The following NUFIP2 variants were observed in gnomAD, a reference collection of about 807,000 sequenced individuals.
The protein encoded by NUFIP2 is nuclear FMR1 interacting protein 2.
NUFIP2 carries 6 observed loss-of-function variants against 56.9 expected under a neutral mutation model. The observed-to-expected ratio is 0.11, with a 90% CI of 0.06 to 0.21. NUFIP2 has a LOEUF of 0.21. Among genes scored for constraint, NUFIP2 ranks in the 10% least tolerant of loss-of-function variants. The pLI is 1.00. For missense variants in NUFIP2, 828 were observed against 826.8 expected (o/e 1.00, Z -0.02); for synonymous variants, 321 against 298.2 (o/e 1.08, Z -0.79).
At position 29,256,228 on chromosome 17, in the gene NUFIP2, A is replaced by G. The variant is rs2068970624; in HGVS notation, c.*8311T>C. On this transcript the variant is annotated 3_prime_UTR_variant, in exon 4 of 4. Transcript: ENST00000225388. ...CTCCACTTATTATCCATTCCCCCAGATTAAGAGGTAACTCAGCTCCTTAGT... is the reference window on the plus strand; with the variant it reads ...CTCCACTTATTATCCATTCCCCCAGGTTAAGAGGTAACTCAGCTCCTTAGT... 2 of 152,262 alleles carry G rather than the reference A, an allele frequency of 1.3e-5. No individual in the cohort carries two copies. The highest frequency in any genetic ancestry group is 4.1e-4 in the South Asian group (2 of 4,838). 9.4% of individuals were successfully genotyped at this position (152,262 alleles called of 1,614,324 possible). A position where few individuals can be genotyped will look rare whatever the true frequency, so the allele number is the denominator to read the frequency against.
At chr17:29,274,391 C>G (rs961597079) in intron 2 of NUFIP2, among the ~76,000 whole-genome samples, 2 of 152,040 alleles carry the variant, frequency 1.3e-5, no homozygotes, top group African/African-American at 4.8e-5. Context: ...GAGGATTGCT[C>G]GAGTCCAAGA....
chr17:29,273,586 T>C (rs1378659325), intron 2 of NUFIP2, among the ~76,000 whole-genome samples: 2 of 152,100 alleles, frequency 1.3e-5, no homozygotes, highest in African/African-American at 4.8e-5. Flanking sequence ...CAGCATCTAA[T>C]TATGCAAATA....
At position 29,293,894 on chromosome 17, in the gene NUFIP2, G is replaced by T. The variant is rs2069234892; in HGVS notation, c.166C>A (p.Gln56Lys). ...CCCTCGGCTCCATGCTGCAGGTATT[G>T]GTGAGGCTGCTGGTGATGATGGTGG... ...HHHHHHQQPH[Q>K]YLQHGAEGSP... The change falls in exon 1 of 4, where the codon CAA becomes AAA. Residue 56 changes from glutamine (Q) to lysine (K), a missense_variant. By Grantham distance (53) the Gln-to-Lys change is moderately conservative (BLOSUM62 1). This residue lies in a region of NUFIP2 where 415 missense variants were observed against 408.7 expected (regional missense o/e 1.02). Transcript: ENST00000225388. 1 of 1,613,948 alleles carries T rather than the reference G, an allele frequency of 6.2e-7. No homozygotes were observed. Among genetic ancestry groups the T allele is most frequent in the Non-Finnish European group, 8.5e-7 (1 of 1,179,984 alleles).
chr17:29,270,327 A>G (rs968984811), intron 2 of NUFIP2, among the ~76,000 whole-genome samples: 2 of 151,048 alleles, frequency 1.3e-5, no homozygotes, highest in African/African-American at 4.8e-5. Context: ...ACCTGGAGAA[A>G]AAAAAAAAAA....
intron 1 of NUFIP2, among the ~76,000 whole-genome samples, chr17:29,292,673 C>G (rs978189693): frequency 6.0e-5 from 9 of 149,522 alleles, no homozygotes; most frequent in Non-Finnish European, 1.2e-4. Context: ...CCTCTCAGCT[C>G]CGCTTCGAGG....
rs1394176950 is a variant in NUFIP2, at chr17:29,294,090, T to G, written c.-31A>C. 3 of 1,568,390 alleles carry G rather than the reference T, an allele frequency of 1.9e-6. No homozygotes were observed. Among genetic ancestry groups the G allele is most frequent in the South Asian group, 1.2e-5 (1 of 83,546 alleles). The stretch of plus-strand genomic sequence containing the variant: ...GCGGCTGGGACTCCCTGGCTGAGGC[T>G]GCGGGCTGCTGCACCGTCAGGATCT... On this transcript the variant is annotated 5_prime_UTR_variant, in exon 1 of 4. Transcript: ENST00000225388.
intron 3 of NUFIP2, 96 bp from the exon 4 acceptor site, chr17:29,264,687 C>A: frequency 4.1e-6 from 3 of 732,588 alleles, no homozygotes; most frequent in Non-Finnish European, 6.9e-6. Flanking sequence ...TTAAACTGAC[C>A]AATTTTTTTA....
intron 3 of NUFIP2, among the ~76,000 whole-genome samples, 174 bp from the exon 4 acceptor site, chr17:29,264,765 G>A (rs1037700482): frequency 1.6e-4 from 25 of 152,064 alleles, no homozygotes; most frequent in Non-Finnish European, 1.0e-4. Flanking sequence ...TCTCAACCTG[G>A]AAGTAGCTAT....
chr17:29,274,989 A>G (rs1394618248), intron 2 of NUFIP2, among the ~76,000 whole-genome samples: 1 of 152,132 alleles, frequency 6.6e-6, no homozygotes, highest in Non-Finnish European at 1.5e-5. Context: ...ATAGAATTGC[A>G]GCAATGATAT....
At chr17:29,274,638 C>T (rs1396460219) in intron 2 of NUFIP2, among the ~76,000 whole-genome samples, 2 of 152,070 alleles carry the variant, frequency 1.3e-5, no homozygotes, top group African/African-American at 4.8e-5. Context: ...AGAGAAAGAA[C>T]ATTATTCAGG....
chr17:29,289,844 A>G (rs1398658395), intron 1 of NUFIP2, among the ~76,000 whole-genome samples: 1 of 152,190 alleles, frequency 6.6e-6, no homozygotes, highest in East Asian at 1.9e-4. Flanking sequence ...GTAACCCAAG[A>G]AAACATACTC....
At chr17:29,276,543 G>A (rs1197784038) in intron 2 of NUFIP2, among the ~76,000 whole-genome samples, 1 of 152,084 alleles carries the variant, frequency 6.6e-6, no homozygotes, top group Admixed American at 6.6e-5. Flanking sequence ...TCACCATGTT[G>A]GCCAGGGTGG....
intron 2 of NUFIP2, among the ~76,000 whole-genome samples, chr17:29,269,821 C>T (rs1210446568): frequency 6.6e-6 from 1 of 152,054 alleles, no homozygotes; most frequent in South Asian, 2.1e-4. Context: ...CCCGGGTTCA[C>T]GCCATTCTCT....
chr17:29,284,516 G>A (rs2069159142), intron 2 of NUFIP2, among the ~76,000 whole-genome samples: 1 of 151,750 alleles, frequency 6.6e-6, no homozygotes, highest in Non-Finnish European at 1.5e-5. Context: ...GACCAGCCTG[G>A]CCAACACGGT....
At chr17:29,276,716 CTATT>C (rs1448942746) in intron 2 of NUFIP2, among the ~76,000 whole-genome samples, 1 of 152,142 alleles carries the variant, frequency 6.6e-6, no homozygotes, top group Non-Finnish European at 1.5e-5. Flanking sequence ...CACCTCTCAT[CTATT>C]TATCACTACT....
Position 29,286,545 on chromosome 17 carries a change from C to T in NUFIP2, c.1449G>A (p.Leu483=). 1 of 1,613,900 alleles carries T rather than the reference C, an allele frequency of 6.2e-7. No individual in the cohort carries two copies. Among genetic ancestry groups the T allele is most frequent in the Non-Finnish European group, 8.5e-7 (1 of 1,179,908 alleles). The stretch of plus-strand genomic sequence containing the variant: ...AGGGCAGATCCACTTGTGCTGTGCT[C>T]AACAGCATAGTTTGCATATTTGAAG... ...IYPSNMQTML[L]STAQVDLPSQ... Residue 483 remains leucine, a synonymous_variant, in exon 2 of 4, where the codon TTG becomes TTA. Transcript: ENST00000225388.
At chr17:29,290,321 A>G (rs2069203337) in intron 1 of NUFIP2, among the ~76,000 whole-genome samples, 1 of 152,154 alleles carries the variant, frequency 6.6e-6, no homozygotes, top group African/African-American at 2.4e-5. Flanking sequence ...TGAAACAGCA[A>G]GAAAGAGATT....
chr17:29,288,928 G>A (rs905904472), intron 1 of NUFIP2, among the ~76,000 whole-genome samples: 1 of 152,152 alleles, frequency 6.6e-6, no homozygotes, highest in Non-Finnish European at 1.5e-5. Flanking sequence ...AAGGCAGGCA[G>A]ACTGCTGGAG....
intron 2 of NUFIP2, among the ~76,000 whole-genome samples, chr17:29,282,866 T>A (rs994590851): frequency 2.7e-5 from 4 of 147,920 alleles, no homozygotes; most frequent in Admixed American, 6.7e-5. Flanking sequence ...GAGTTAACTT[T>A]AAAAAAAAAA....
Sources: allele counts gnomAD v4.1 joint callset (sites outside exome capture counted in the v4.1 genomes callset), GRCh38; gene constraint gnomAD v4.1.1; regional missense constraint gnomAD v4.1.1; transcripts MANE v1.5; gene names NCBI Gene and HGNC (gene_info 2026-07-23, HGNC 2026-07-21).